The following ZEB1 variants were observed in gnomAD, a reference collection of about 807,000 sequenced individuals.
ZEB1 encodes the protein zinc finger E-box-binding homeobox 1.
In ZEB1, 21 loss-of-function variants were observed where a neutral mutation model predicts 84.9. That is an observed-to-expected ratio of 0.25 (90% CI 0.18 to 0.36). ZEB1 has a LOEUF of 0.36. Among genes scored for constraint, ZEB1 ranks in the 10% least tolerant of loss-of-function variants. ZEB1 has a pLI of 1.00. For synonymous variants in ZEB1, 420 were observed against 471.1 expected (o/e 0.89, Z 1.41); for missense variants, 1,104 against 1,330.2 (o/e 0.83, Z 2.65).
chr10:31,412,599 T>C (rs577161261), intron 1 of ZEB1, among the ~76,000 whole-genome samples: 1 of 152,234 alleles, frequency 6.6e-6, no homozygotes, highest in Non-Finnish European at 1.5e-5. Flanking sequence ...TCATCCTTTT[T>C]TATGGCTGCA....
intron 1 of ZEB1, among the ~76,000 whole-genome samples, chr10:31,444,957 C>A (rs963625674): frequency 6.6e-6 from 1 of 151,978 alleles, no homozygotes. Context: ...TGAAGAAAGT[C>A]ATTGGTAGCT....
intron 1 of ZEB1, among the ~76,000 whole-genome samples, chr10:31,411,222 C>T (rs976231021): frequency 6.6e-6 from 1 of 152,324 alleles, no homozygotes; most frequent in South Asian, 2.1e-4. Context: ...CTCACAACCT[C>T]ACAACTGCAT....
At chr10:31,502,194 A>G (rs2139239867) in intron 3 of ZEB1, among the ~76,000 whole-genome samples, 154 bp from the exon 4 acceptor site, 1 of 152,322 alleles carries the variant, frequency 6.6e-6, no homozygotes, top group South Asian at 2.1e-4. Flanking sequence ...ATTACAACAA[A>G]ATGAGTGGAA....
chr10:31,364,596 C>T (rs1319837057), intron 1 of ZEB1, among the ~76,000 whole-genome samples: 2 of 152,222 alleles, frequency 1.3e-5, no homozygotes, highest in Non-Finnish European at 2.9e-5. Context: ...ACCAGCCTTG[C>T]TCCGCAGGTT....
intron 3 of ZEB1, among the ~76,000 whole-genome samples, chr10:31,496,960 T>A (rs1016344285): frequency 6.6e-6 from 1 of 152,114 alleles, no homozygotes; most frequent in Non-Finnish European, 1.5e-5. Flanking sequence ...TCCAAAATAA[T>A]TAAATAATAA....
At chr10:31,398,991 CTTTT>C (rs34530318) in intron 1 of ZEB1, among the ~76,000 whole-genome samples, 9 of 133,132 alleles carry the variant, frequency 6.8e-5, no homozygotes, top group Admixed American at 7.5e-5. Flanking sequence ...GTCCTTTAGT[CTTTT>C]TTTTTTTTTT....
intron 1 of ZEB1, among the ~76,000 whole-genome samples, chr10:31,370,321 G>T (rs1040216564): frequency 6.6e-6 from 1 of 152,064 alleles, no homozygotes; most frequent in African/African-American, 2.4e-5. Flanking sequence ...AAGAAAAATA[G>T]ATGTGATGGC....
intron 1 of ZEB1, among the ~76,000 whole-genome samples, chr10:31,429,029 G>C (rs986625494): frequency 6.6e-6 from 1 of 152,142 alleles, no homozygotes; most frequent in African/African-American, 2.4e-5. Flanking sequence ...TTGCCATCCT[G>C]TGTCTTTTAA....
At position 31,332,390 on chromosome 10, in the gene ZEB1, G is replaced by A. The variant is rs573711073; in HGVS notation, c.58+13098G>A. Among the ~76,000 whole-genome samples the A allele has an allele frequency of 3.4e-4, 51 of 152,158 alleles. No homozygotes were observed. In the South Asian group the frequency reaches 0.01, roughly 30 times the overall value. ...GATTTACAAACCTATGGAATAAAATGTTTTTACTTCTATCAATTATGGCTC... is the reference window on the plus strand; with the variant it reads ...GATTTACAAACCTATGGAATAAAATATTTTTACTTCTATCAATTATGGCTC... On this transcript the variant is annotated intron_variant, in intron 1 of 8. Transcript: ENST00000424869.
intron 1 of ZEB1, among the ~76,000 whole-genome samples, chr10:31,366,610 T>C (rs1334565574): frequency 6.6e-6 from 1 of 152,236 alleles, no homozygotes; most frequent in East Asian, 1.9e-4. Flanking sequence ...TCCTTTCCAG[T>C]GTTGGCAAAT....
In ZEB1 at chr10:31,526,966, A is replaced by C. The variant is rs757381658; in HGVS notation, c.3080A>C (p.Glu1027Ala). 3.1e-6 allele frequency: 5 copies of C among 1,613,598 alleles called. No homozygotes were observed. The highest frequency in any genetic ancestry group is 4.2e-6 in the Non-Finnish European group (5 of 1,179,838). Reference sequence around the variant, plus strand: ...TCACAGGGCGACTCGGACGAGAGAGAGAGTTTGACAAGGGAAGAGGATGAA... The same window carrying C: ...TCACAGGGCGACTCGGACGAGAGAGCGAGTTTGACAAGGGAAGAGGATGAA... ...SPSQGDSDER[E>A]SLTREEDEDS... Residue 1027 changes from glutamate to alanine, a missense_variant, in exon 9 of 9, where the codon GAG becomes GCG. Around this residue, in one of 7 missense-constraint regions of ZEB1, gnomAD observed 173 missense variants for 167.0 expected, o/e 1.04. Coordinates refer to ENST00000424869, the MANE Select transcript of ZEB1 (RefSeq NM_001174096.2).
intron 1 of ZEB1, among the ~76,000 whole-genome samples, chr10:31,359,816 G>C (rs776982842): frequency 6.6e-6 from 1 of 152,126 alleles, no homozygotes; most frequent in Non-Finnish European, 1.5e-5. Flanking sequence ...TGCTAGAATA[G>C]TTAATCTCAA....
chr10:31,464,998 A>G (rs1399012376), intron 2 of ZEB1, among the ~76,000 whole-genome samples: 1 of 152,228 alleles, frequency 6.6e-6, no homozygotes, highest in East Asian at 1.9e-4. Context: ...AAGAATGAAT[A>G]AGACCTACTA....
chr10:31,517,277 T>C (rs2071325830), intron 6 of ZEB1, among the ~76,000 whole-genome samples: 1 of 152,012 alleles, frequency 6.6e-6, no homozygotes, highest in Non-Finnish European at 1.5e-5. Flanking sequence ...AAAATTTTGA[T>C]CATGACCCTA....
In ZEB1 at chr10:31,527,365, C is replaced by G. The variant is rs994075732; in HGVS notation, c.*101C>G. On this transcript the variant is annotated 3_prime_UTR_variant, in exon 9 of 9. Transcript: ENST00000424869. ...CACAGTAACCTGTATGCTGTGATTCCTGTTCACTACTGTGTAAAGTAAAAA... is the reference window on the plus strand; with the variant it reads ...CACAGTAACCTGTATGCTGTGATTCGTGTTCACTACTGTGTAAAGTAAAAA... The G allele has an allele frequency of 6.8e-7, 1 of 1,461,166 alleles. No homozygotes were observed. Among genetic ancestry groups the G allele is most frequent in the Non-Finnish European group, 9.2e-7 (1 of 1,085,266 alleles). The allele number at this position is 1,461,166 out of a possible 1,614,324, so 90.5% of individuals were successfully genotyped here. A position where few individuals can be genotyped will look rare whatever the true frequency, so the allele number is the denominator to read the frequency against.
At chr10:31,324,180 C>A (rs147367977) in intron 1 of ZEB1, among the ~76,000 whole-genome samples, 1 of 151,846 alleles carries the variant, frequency 6.6e-6, no homozygotes, top group African/African-American at 2.4e-5. Flanking sequence ...AAATATTAAT[C>A]GTTTATGAAG....
intron 1 of ZEB1, among the ~76,000 whole-genome samples, chr10:31,379,003 T>A (rs536824511): frequency 1.2e-4 from 18 of 152,236 alleles, no homozygotes; most frequent in African/African-American, 4.3e-4. Context: ...TACCTATCAT[T>A]CACTTAAATA....
At chr10:31,513,079 T>G (rs1250325705) in intron 5 of ZEB1, among the ~76,000 whole-genome samples, 3 of 152,170 alleles carry the variant, frequency 2.0e-5, no homozygotes, top group African/African-American at 7.2e-5. Context: ...TTTTTAATTT[T>G]TATTTTTAGG....
intron 1 of ZEB1, among the ~76,000 whole-genome samples, chr10:31,354,154 C>T (rs2041746131): frequency 6.6e-6 from 1 of 152,104 alleles, no homozygotes; most frequent in African/African-American, 2.4e-5. Flanking sequence ...GTCTGTTCAG[C>T]GTTAGGGGGA....
Sources: allele counts gnomAD v4.1 joint callset (sites outside exome capture counted in the v4.1 genomes callset), GRCh38; gene constraint gnomAD v4.1.1; regional missense constraint gnomAD v4.1.1; transcripts MANE v1.5; gene names NCBI Gene and HGNC (gene_info 2026-07-23, HGNC 2026-07-21).